The following ZNF385D variants were observed in gnomAD, a reference collection of about 807,000 sequenced individuals.
ZNF385D encodes the protein zinc finger protein 385D, also known as zinc finger protein 659.
In ZNF385D, 15 loss-of-function variants were observed where a neutral mutation model predicts 35.8. The observed-to-expected ratio is 0.42, with a 90% confidence interval of 0.28 to 0.64. The LOEUF is 0.64. Among genes scored for constraint, ZNF385D ranks in the 30% least tolerant of loss-of-function variants. The pLI is 0.23. For synonymous variants in ZNF385D, 212 were observed against 186.8 expected (o/e 1.13, Z -1.10); for missense variants, 474 against 494.6 (o/e 0.96, Z 0.39).
intron 1 of ZNF385D, among the ~76,000 whole-genome samples, chr3:21,707,788 C>T (rs2125404065): frequency 6.6e-6 from 1 of 152,222 alleles, no homozygotes; most frequent in African/African-American, 2.4e-5. Flanking sequence ...TATCTATTCC[C>T]TTGATCGGTC....
intron 2 of ZNF385D, among the ~76,000 whole-genome samples, chr3:22,324,824 A>G (rs1694602655): frequency 6.6e-6 from 1 of 152,186 alleles, no homozygotes; most frequent in African/African-American, 2.4e-5. Flanking sequence ...ACAGGGAATG[A>G]GATTGACAAA....
intron 2 of ZNF385D, among the ~76,000 whole-genome samples, chr3:22,309,579 A>T (rs9846446): frequency 0.073 from 11,083 of 152,154 alleles, 920 homozygotes; most frequent in African/African-American, 0.2. Flanking sequence ...CCAAGATAAA[A>T]CATGGCCAGG....
At position 21,781,119 on chromosome 3, in the gene ZNF385D, G is replaced by A. The variant is rs114769004; in HGVS notation, c.326-116091C>T. On this transcript the variant is annotated intron_variant, in intron 3 of 5. Coordinates refer to the ZNF385D transcript ENST00000494108. ...AGATAATAAGCAAGAGAGGTAACCC[G>A]GAAGAGATATGTAAGGTCAGCTATA... Among the ~76,000 whole-genome samples the A allele has an allele frequency of 5.5e-3, 843 of 152,110 alleles. 9 individuals are homozygous for A. Among genetic ancestry groups the A allele is most frequent in the African/African-American group, 0.02 (816 of 41,498 alleles).
intron 2 of ZNF385D, among the ~76,000 whole-genome samples, chr3:22,264,818 A>G (rs1029046453): frequency 6.6e-6 from 1 of 151,634 alleles, no homozygotes; most frequent in African/African-American, 2.4e-5. Context: ...TGAAACAATG[A>G]TTATCAAAAA....
intron 3 of ZNF385D, among the ~76,000 whole-genome samples, chr3:22,136,285 G>C (rs1362217197): frequency 6.6e-6 from 1 of 152,178 alleles, no homozygotes; most frequent in Non-Finnish European, 1.5e-5. Flanking sequence ...CTACTCGGGA[G>C]GCTGAGGTAC....
intron 3 of ZNF385D, among the ~76,000 whole-genome samples, chr3:22,158,704 T>C (rs1576419749): frequency 6.6e-6 from 1 of 151,868 alleles, no homozygotes; most frequent in African/African-American, 2.4e-5. Context: ...ATTCATGCCA[T>C]TGCTTAGTGT....
chr3:21,808,298 T>A (rs574011306), intron 3 of ZNF385D, among the ~76,000 whole-genome samples: 5 of 152,306 alleles, frequency 3.3e-5, no homozygotes, highest in South Asian at 2.1e-4. Context: ...TAACACACAC[T>A]CTCTTTACAA....
At chr3:21,868,614 G>C (rs1245599653) in intron 3 of ZNF385D, among the ~76,000 whole-genome samples, 1 of 152,006 alleles carries the variant, frequency 6.6e-6, no homozygotes, top group African/African-American at 2.4e-5. Flanking sequence ...TAATGTGCTG[G>C]TCAGCTGAGA....
chr3:21,899,767 A>C (rs259489), intron 3 of ZNF385D, among the ~76,000 whole-genome samples: 56,165 of 151,962 alleles, frequency 0.37, 10,871 homozygotes, highest in African/African-American at 0.45. Context: ...TTGCTATACT[A>C]AAGTTTTATT....
chr3:22,265,371 A>T (rs994844520), intron 2 of ZNF385D, among the ~76,000 whole-genome samples: 5 of 152,010 alleles, frequency 3.3e-5, no homozygotes, highest in Admixed American at 1.3e-4. Context: ...ATCATCATGA[A>T]ATTACAAAAA....
chr3:21,970,521 AAAG>A (rs2125339311), intron 3 of ZNF385D, among the ~76,000 whole-genome samples: 2 of 152,188 alleles, frequency 1.3e-5, no homozygotes, highest in African/African-American at 4.8e-5. Flanking sequence ...ACAAAAGAAA[AAAG>A]AATGAAAAAG....
chr3:22,092,468 C>G (rs1701383733), intron 3 of ZNF385D, among the ~76,000 whole-genome samples: 1 of 152,126 alleles, frequency 6.6e-6, no homozygotes, highest in African/African-American at 2.4e-5. Context: ...TGTATGACAC[C>G]TATCTGTGGA....
intron 3 of ZNF385D, among the ~76,000 whole-genome samples, chr3:22,068,093 C>T (rs565230289): frequency 1.3e-5 from 2 of 152,136 alleles, no homozygotes; most frequent in Non-Finnish European, 2.9e-5. Context: ...TAGAAATTAA[C>T]TGAATTTAAG....
At chr3:21,449,127 A>G (rs539562780) in intron 4 of ZNF385D, among the ~76,000 whole-genome samples, 66 of 152,184 alleles carry the variant, frequency 4.3e-4, no homozygotes, top group African/African-American at 1.4e-3. Flanking sequence ...CTGTCAATCA[A>G]TTTTTAATTC....
chr3:21,918,651 G>A (rs545897758), intron 3 of ZNF385D, among the ~76,000 whole-genome samples: 1 of 152,260 alleles, frequency 6.6e-6, no homozygotes, highest in South Asian at 2.1e-4. Flanking sequence ...TGTGGTTTAA[G>A]AAACAACAAT....
At chr3:22,192,451 C>T (rs897109389) in intron 2 of ZNF385D, among the ~76,000 whole-genome samples, 3 of 152,100 alleles carry the variant, frequency 2.0e-5, no homozygotes, top group Admixed American at 1.3e-4. Flanking sequence ...CAATAGCACA[C>T]ATTGCAAAAA....
At position 21,902,325 on chromosome 3, in the gene ZNF385D, C is replaced by T. The variant is rs181822473; in HGVS notation, c.326-237297G>A. Reference sequence around the variant, plus strand: ...TGAGACAAGTATGACTTGTGTTGTTCTATGTTAGGGTGGGAAATGTCATAG... The same window carrying T: ...TGAGACAAGTATGACTTGTGTTGTTTTATGTTAGGGTGGGAAATGTCATAG... On this transcript the variant is annotated intron_variant, in intron 3 of 5. Coordinates refer to the ZNF385D transcript ENST00000494108. Among the ~76,000 whole-genome samples, 6 of 152,088 alleles carry T rather than the reference C, an allele frequency of 3.9e-5. No individual in the cohort carries two copies. In the East Asian group the frequency reaches 1.2e-3, roughly 29 times the overall value.
intron 3 of ZNF385D, among the ~76,000 whole-genome samples, chr3:22,107,441 G>C (rs1460086199): frequency 1.3e-5 from 2 of 151,968 alleles, no homozygotes; most frequent in East Asian, 1.9e-4. Flanking sequence ...AAAAAGCAAA[G>C]TTTATACATG....
intron 2 of ZNF385D, among the ~76,000 whole-genome samples, chr3:21,622,570 C>A (rs1262171804): frequency 6.6e-6 from 1 of 152,048 alleles, no homozygotes; most frequent in Non-Finnish European, 1.5e-5. Flanking sequence ...TTTCTTCCTC[C>A]TAAGGAGGTT....
Sources: allele counts gnomAD v4.1 joint callset (sites outside exome capture counted in the v4.1 genomes callset), GRCh38; gene constraint gnomAD v4.1.1; transcripts MANE v1.5; gene names NCBI Gene and HGNC (gene_info 2026-07-23, HGNC 2026-07-21).